ADAMTSL3: variants seen among roughly 807,000 people sequenced by gnomAD.
The protein encoded by ADAMTSL3 is ADAMTS-like protein 3.
ADAMTSL3 carries 128 observed loss-of-function variants against 201.7 expected under a neutral mutation model. The observed-to-expected ratio is 0.63, with a 90% CI of 0.55 to 0.73. ADAMTSL3 has a LOEUF of 0.73. ADAMTSL3 is among the 30% of genes least tolerant of loss of function. The pLI is 0.00. For missense variants in ADAMTSL3, 1,990 were observed against 2,119.6 expected (o/e 0.94, Z 1.20); for synonymous variants, 738 against 748.4 (o/e 0.99, Z 0.23).
chr15:83,837,267 T>C (rs1656485839), intron 6 of ADAMTSL3, among the ~76,000 whole-genome samples: 1 of 151,368 alleles, frequency 6.6e-6, no homozygotes, highest in Admixed American at 6.6e-5. Context: ...TATAAAGATA[T>C]AGATAAAGAC....
At chr15:83,915,765 G>A (rs1035508001) in intron 16 of ADAMTSL3, among the ~76,000 whole-genome samples, 14 of 152,270 alleles carry the variant, frequency 9.2e-5, no homozygotes, top group African/African-American at 3.4e-4. Flanking sequence ...CTCTGTGACT[G>A]CGATCTTTCA....
rs759710235 is a variant in ADAMTSL3, at chr15:83,654,811, C to T, written c.-34+535C>T. ...GAGCAGGCGAGGGTGGCGCAGAGTC[C>T]CAGGGCCCCGCACTGGCCGCCTCCC... On this transcript the variant is annotated intron_variant, in intron 1 of 29. Transcript: ENST00000286744. This position sits in a 1 kb window ranked among gnomAD's most constrained non-coding sequence, Gnocchi z 5.3. Among the ~76,000 whole-genome samples the T allele has an allele frequency of 6.6e-6, 1 of 152,138 alleles. No individual in the cohort carries two copies. The highest frequency in any genetic ancestry group is 1.5e-5 in the Non-Finnish European group (1 of 68,032).
chr15:83,855,895 C>A (rs1312705193), intron 7 of ADAMTSL3, among the ~76,000 whole-genome samples: 3 of 151,938 alleles, frequency 2.0e-5, no homozygotes, highest in Non-Finnish European at 4.4e-5. Flanking sequence ...ACTGTGGCCC[C>A]AGCTACTCAG....
chr15:83,743,667 GGAGGCAA>G (rs2024141344), intron 3 of ADAMTSL3, among the ~76,000 whole-genome samples: 1 of 152,142 alleles, frequency 6.6e-6, no homozygotes, highest in Non-Finnish European at 1.5e-5. Context: ...GCTGGGGAGG[GGAGGCAA>G]GTAGCCACAG....
In ADAMTSL3 at chr15:83,932,056, A is replaced by G. The variant is rs543176043; in HGVS notation, c.2117+8023A>G. Among the ~76,000 whole-genome samples the G allele has an allele frequency of 3.9e-5, 6 of 152,332 alleles. No individual in the cohort carries two copies. In the East Asian group the frequency reaches 5.8e-4, roughly 15 times the overall value. On this transcript the variant is annotated intron_variant, in intron 17 of 29. Transcript: ENST00000286744. ...GGACGATAAGAAAATCTTAAAAGCT[A>G]CCACTCATGAAAAACAGATTAACTA...
At chr15:83,954,605 T>C (rs935666696) in intron 19 of ADAMTSL3, among the ~76,000 whole-genome samples, 1 of 152,180 alleles carries the variant, frequency 6.6e-6, no homozygotes, top group Non-Finnish European at 1.5e-5. Flanking sequence ...ATTATGTATT[T>C]ATTGTAGTCT....
intron 6 of ADAMTSL3, among the ~76,000 whole-genome samples, chr15:83,828,339 G>A (rs896508371): frequency 2.0e-5 from 3 of 152,178 alleles, no homozygotes; most frequent in African/African-American, 7.2e-5. Context: ...TCTGTTATTG[G>A]TGTATAAGAA....
In ADAMTSL3 at chr15:83,982,490, G is replaced by A; in HGVS notation, c.2862G>A (p.Gln954=). ...GGGAGAAGGATGGCCGTTGCCTGCA[G>A]AACTCCAAACGGCTTGGCATCACCA... ...IQWEKDGRCL[Q]NSKRLGITKS... is the part of the protein sequence containing the mutation. Residue 954 remains glutamine (Q), a synonymous_variant, in exon 21 of 30, where the codon CAG becomes CAA. Coordinates refer to ENST00000286744, the MANE Select transcript of ADAMTSL3 (RefSeq NM_207517.3). 1 of 1,614,180 alleles carries A rather than the reference G, an allele frequency of 6.2e-7. No individual in the cohort carries two copies. Among genetic ancestry groups the A allele is most frequent in the Non-Finnish European group, 8.5e-7 (1 of 1,180,032 alleles).
At chr15:83,656,896 T>C (rs1359407598) in intron 2 of ADAMTSL3, among the ~76,000 whole-genome samples, 3 of 152,236 alleles carry the variant, frequency 2.0e-5, no homozygotes, top group Non-Finnish European at 4.4e-5. Flanking sequence ...TGTTTCACTT[T>C]CTTGGACTTA....
chr15:83,827,102 G>A (rs145129721), intron 6 of ADAMTSL3, among the ~76,000 whole-genome samples: 215 of 152,314 alleles, frequency 1.4e-3, no homozygotes, highest in African/African-American at 5.1e-3. Flanking sequence ...TTCCACAATG[G>A]TTGAACCAGT....
At position 84,026,877 on chromosome 15, in the gene ADAMTSL3, G is replaced by A. The variant is rs80190913; in HGVS notation, c.4656+1441G>A. On this transcript the variant is annotated intron_variant, in intron 27 of 29. Transcript: ENST00000286744. ...GCTTGGATTAGGAAATGGCTTCTTAGATATAACAACAAAAGCATAAGCAAC... is the reference window on the plus strand; with the variant it reads ...GCTTGGATTAGGAAATGGCTTCTTAAATATAACAACAAAAGCATAAGCAAC... 4.6e-3 allele frequency among the ~76,000 whole-genome samples: 699 copies of A among 152,192 alleles called. 3 individuals are homozygous for A. Among genetic ancestry groups the A allele is most frequent in the African/African-American group, 0.016 (665 of 41,538 alleles).
In ADAMTSL3 at chr15:83,728,291, C is replaced by CT. The variant is rs530585941; in HGVS notation, c.189+23793dup. ...TTTTGTAGGCAACACATCATTGAGT[C>CT]TTTTTTTTTTATTCATTTAGCCACT... On this transcript the variant is annotated intron_variant, in intron 3 of 29. Transcript: ENST00000286744. Among the ~76,000 whole-genome samples the CT allele has an allele frequency of 2.1e-3, 309 of 146,098 alleles. 1 individual carries two copies. The highest frequency in any genetic ancestry group is 5.4e-3 in the Admixed American group (79 of 14,666).
intron 3 of ADAMTSL3, among the ~76,000 whole-genome samples, chr15:83,715,761 G>A (rs1027546978): frequency 6.6e-6 from 1 of 152,104 alleles, no homozygotes; most frequent in African/African-American, 2.4e-5. Flanking sequence ...GCACAGCTTG[G>A]CCCCAGGTTA....
rs564735192 is a variant in ADAMTSL3, at chr15:84,035,567, C to A, written c.4755-1206C>A. 4.5e-4 allele frequency among the ~76,000 whole-genome samples: 69 copies of A among 152,250 alleles called. No individual in the cohort carries two copies. The South Asian group carries it at 4.8e-3, about 11-fold the overall frequency. Reference sequence around the variant, plus strand: ...GTAGGACAGCACTGTGTTAAGTAAACCCTTTGATAGAGTCTCCTCCTACTG... The same window carrying A: ...GTAGGACAGCACTGTGTTAAGTAAAACCTTTGATAGAGTCTCCTCCTACTG... On this transcript the variant is annotated intron_variant, in intron 28 of 29. Transcript: ENST00000286744.
intron 23 of ADAMTSL3, among the ~76,000 whole-genome samples, chr15:84,011,709 A>T (rs1453139313): frequency 6.6e-6 from 1 of 152,236 alleles, no homozygotes; most frequent in East Asian, 1.9e-4. Context: ...CAAGAAAATC[A>T]ATTAGAAAAA....
intron 19 of ADAMTSL3, among the ~76,000 whole-genome samples, chr15:83,958,588 T>C (rs544775468): frequency 1.5e-4 from 23 of 152,304 alleles, no homozygotes; most frequent in African/African-American, 5.5e-4. Context: ...ATCTAATTCA[T>C]TTAATAAGAA....
At chr15:83,708,226 T>A (rs1292859404) in intron 3 of ADAMTSL3, among the ~76,000 whole-genome samples, 1 of 152,188 alleles carries the variant, frequency 6.6e-6, no homozygotes, top group East Asian at 1.9e-4. Flanking sequence ...CAGATGTGGG[T>A]TCACTAGGAT....
intron 23 of ADAMTSL3, among the ~76,000 whole-genome samples, chr15:84,007,654 A>C (rs2067919051): frequency 6.6e-6 from 1 of 152,210 alleles, no homozygotes; most frequent in Admixed American, 6.5e-5. Flanking sequence ...GTATGTTAGC[A>C]GATCATAAAA....
intron 24 of ADAMTSL3, 80 bp downstream of exon 24, chr15:84,014,804 GT>G: frequency 7.2e-7 from 1 of 1,390,920 alleles, no homozygotes; most frequent in Non-Finnish European, 9.8e-7. Context: ...TGATTTTGGA[GT>G]TGAGTGAACG....
Sources: allele counts gnomAD v4.1 joint callset (sites outside exome capture counted in the v4.1 genomes callset), GRCh38; gene constraint gnomAD v4.1.1; non-coding constraint Gnocchi (gnomAD v3.1); transcripts MANE v1.5; gene names NCBI Gene and HGNC (gene_info 2026-07-23, HGNC 2026-07-21).